The following OTUD7A variants were observed in gnomAD, a reference collection of about 807,000 sequenced individuals.
OTUD7A encodes OTU domain-containing protein 7A.
Under a neutral mutation model 65.7 loss-of-function variants are expected in OTUD7A, and 12 were observed. The ratio of observed to expected loss-of-function variants is 0.18; its 90% CI spans 0.12 to 0.30. The LOEUF (loss-of-function observed/expected upper bound fraction) is 0.30. OTUD7A is among the 10% of genes least tolerant of loss of function. The pLI is 1.00. For missense variants in OTUD7A, 1,148 were observed against 1,304.8 expected (o/e 0.88, Z 1.85); for synonymous variants, 641 against 586.3 (o/e 1.09, Z -1.35).
At chr15:31,725,051 A>T (rs1250873759) in intron 1 of OTUD7A, among the ~76,000 whole-genome samples, 2 of 152,202 alleles carry the variant, frequency 1.3e-5, no homozygotes, top group Non-Finnish European at 2.9e-5. Context: ...CTCATGTAGC[A>T]GAGACCTGGG....
chr15:31,626,916 G>GT (rs1890973461), intron 3 of OTUD7A, among the ~76,000 whole-genome samples: 3 of 146,794 alleles, frequency 2.0e-5, no homozygotes, highest in Admixed American at 6.8e-5. Context: ...TGTTTTTATG[G>GT]TTTCTTTTTT....
chr15:31,804,801 C>G (rs1409737076), intron 1 of OTUD7A, among the ~76,000 whole-genome samples: 2 of 152,206 alleles, frequency 1.3e-5, no homozygotes, highest in African/African-American at 2.4e-5. Flanking sequence ...AGTTTCAAAC[C>G]AACCCACCTG....
chr15:31,525,378 T>C (rs942907054), intron 8 of OTUD7A, among the ~76,000 whole-genome samples: 4 of 152,162 alleles, frequency 2.6e-5, no homozygotes, highest in African/African-American at 9.7e-5. Flanking sequence ...TGTGCCAGCG[T>C]ATGTGGGTTT....
At chr15:31,558,915 G>C (rs1444676134) in intron 5 of OTUD7A, 54 bp downstream of exon 5, 2 of 1,579,044 alleles carry the variant, frequency 1.3e-6, no homozygotes, top group African/African-American at 1.3e-5. Flanking sequence ...GGTTAGGCCA[G>C]CTCACCATTC....
At chr15:31,767,397 T>G in intron 1 of OTUD7A, 2 of 775,488 alleles carry the variant, frequency 2.6e-6, no homozygotes, top group African/African-American at 3.4e-5. Context: ...TCTGAATACA[T>G]GTCATTCAAA....
chr15:31,718,649 C>A (rs1310831410), intron 1 of OTUD7A, among the ~76,000 whole-genome samples: 1 of 142,722 alleles, frequency 7.0e-6, no homozygotes, highest in Non-Finnish European at 1.6e-5. Context: ...TCTAATGGCA[C>A]CACCCACTTA....
intron 1 of OTUD7A, among the ~76,000 whole-genome samples, chr15:31,759,755 T>C (rs1032438041): frequency 1.3e-5 from 2 of 152,114 alleles, no homozygotes; most frequent in Non-Finnish European, 2.9e-5. Context: ...CTCAAACTCC[T>C]GACCTCAAGT....
intron 3 of OTUD7A, among the ~76,000 whole-genome samples, chr15:31,589,597 C>T (rs1381784955): frequency 6.6e-6 from 1 of 151,602 alleles, no homozygotes; most frequent in Non-Finnish European, 1.5e-5. Flanking sequence ...GCTACCATGC[C>T]CACCTGTATT....
chr15:31,601,165 C>T (rs139004635), intron 3 of OTUD7A, among the ~76,000 whole-genome samples: 7 of 152,268 alleles, frequency 4.6e-5, no homozygotes, highest in African/African-American at 1.2e-4. Context: ...ACATTCTTCT[C>T]GGCACCACAT....
At position 31,483,470 on chromosome 15, in the gene OTUD7A, C is replaced by A; in HGVS notation, c.2626G>T (p.Ala876Ser). 7.2e-7 allele frequency: 1 copy of A among 1,385,328 alleles called. No homozygotes were observed. Among genetic ancestry groups the A allele is most frequent in the Non-Finnish European group, 9.4e-7 (1 of 1,068,754 alleles). The allele number at this position is 1,385,328 out of a possible 1,614,324, so 85.8% of individuals were successfully genotyped here. The change falls in exon 13 of 13, where the codon GCG becomes TCG. Residue 876 changes from alanine (A) to serine (S), a missense_variant. This residue lies in a region of OTUD7A where 842 missense variants were observed against 769.5 expected (regional missense o/e 1.09). Transcript: ENST00000307050. ...TCACCGTTCGAGCGCGCGGTCGGCGCGTCGGCGTCGGCGAACTCCAGGCCG... is the reference window on the plus strand; with the variant it reads ...TCACCGTTCGAGCGCGCGGTCGGCGAGTCGGCGTCGGCGAACTCCAGGCCG... ...RDGLEFADAD[A>S]PTARSNGECG...
intron 10 of OTUD7A, among the ~76,000 whole-genome samples, chr15:31,500,209 G>C (rs1038623301): frequency 6.6e-6 from 1 of 152,222 alleles, no homozygotes; most frequent in Non-Finnish European, 1.5e-5. Flanking sequence ...CTAAATCCCC[G>C]GGAAGGAGGT....
At chr15:31,652,655 T>C (rs1891874992) in intron 3 of OTUD7A, among the ~76,000 whole-genome samples, 1 of 152,016 alleles carries the variant, frequency 6.6e-6, no homozygotes, top group Admixed American at 6.6e-5. Flanking sequence ...AATTTAGACA[T>C]AGGCAAAAAG....
chr15:31,626,266 G>T (rs1447870807), intron 3 of OTUD7A, among the ~76,000 whole-genome samples: 1 of 152,140 alleles, frequency 6.6e-6, no homozygotes, highest in Non-Finnish European at 1.5e-5. Context: ...TGTAAGCTAC[G>T]TATCTACAAC....
intron 1 of OTUD7A, among the ~76,000 whole-genome samples, chr15:31,852,977 G>C (rs1303256928): frequency 6.6e-6 from 1 of 152,184 alleles, no homozygotes; most frequent in South Asian, 2.1e-4. Context: ...AGGAGGTGGG[G>C]AAGAGTGGGG....
intron 1 of OTUD7A, among the ~76,000 whole-genome samples, chr15:31,716,805 G>A (rs1893599067): frequency 6.6e-6 from 1 of 152,070 alleles, no homozygotes; most frequent in African/African-American, 2.4e-5. Flanking sequence ...GAGGCTGCAT[G>A]GGGAAGTCCC....
chr15:31,521,519 A>G (rs1164803451), intron 8 of OTUD7A, among the ~76,000 whole-genome samples: 2 of 152,098 alleles, frequency 1.3e-5, no homozygotes, highest in East Asian at 1.9e-4. Context: ...AGGAATACAC[A>G]TAAGAATGCC....
intron 8 of OTUD7A, among the ~76,000 whole-genome samples, chr15:31,506,676 G>A (rs2041574570): frequency 6.6e-6 from 1 of 152,074 alleles, no homozygotes; most frequent in Admixed American, 6.6e-5. Flanking sequence ...GGATTGATGG[G>A]CGAGCTTTTG....
intron 1 of OTUD7A, among the ~76,000 whole-genome samples, chr15:31,846,553 A>AGGC (rs1897297199): frequency 6.6e-6 from 1 of 152,178 alleles, no homozygotes; most frequent in South Asian, 2.1e-4. Flanking sequence ...ATGACCTGCC[A>AGGC]GGCTGCACTG....
chr15:31,531,726 G>A (rs1887631431), intron 5 of OTUD7A, among the ~76,000 whole-genome samples: 1 of 152,064 alleles, frequency 6.6e-6, no homozygotes, highest in African/African-American at 2.4e-5. Context: ...CCCTCACCAG[G>A]CTGTAACAAG....
Sources: gnomAD v4.1 joint callset for allele counts (sites outside exome capture counted in the v4.1 genomes callset) on GRCh38, gnomAD v4.1.1 for gene constraint, gnomAD v4.1.1 regional missense constraint, MANE v1.5 for transcripts, NCBI Gene and HGNC (gene_info 2026-07-23, HGNC 2026-07-21) for gene names.